The following CAMK1D variants were observed in gnomAD, a reference collection of about 807,000 sequenced individuals.
CAMK1D encodes calcium/calmodulin-dependent protein kinase type 1D.
In CAMK1D, 9 loss-of-function variants were observed where a neutral mutation model predicts 47.7. The observed-to-expected ratio is 0.19, with a 90% confidence interval of 0.11 to 0.33. CAMK1D has a LOEUF of 0.33. Ranked by LOEUF, CAMK1D falls within the 10% of genes least tolerant of loss-of-function variation. The pLI, the probability that CAMK1D is intolerant of heterozygous loss-of-function variation, is 1.00. For missense variants in CAMK1D, 291 were observed against 488.7 expected (o/e 0.60, Z 3.81); for synonymous variants, 184 against 184.9 (o/e 0.99, Z 0.04).
chr10:12,545,588 T>G (rs1836340405), intron 1 of CAMK1D, among the ~76,000 whole-genome samples: 1 of 150,554 alleles, frequency 6.6e-6, no homozygotes, highest in African/African-American at 2.5e-5. Flanking sequence ...GATCACGAGG[T>G]CAGGAGATCG....
At chr10:12,490,687 A>G (rs1053762803) in intron 1 of CAMK1D, among the ~76,000 whole-genome samples, 1 of 152,228 alleles carries the variant, frequency 6.6e-6, no homozygotes, top group Non-Finnish European at 1.5e-5. Context: ...TCTACTAAAA[A>G]TACAAAAATT....
At chr10:12,654,334 C>T (rs1237144802) in intron 2 of CAMK1D, among the ~76,000 whole-genome samples, 1 of 152,196 alleles carries the variant, frequency 6.6e-6, no homozygotes, top group Non-Finnish European at 1.5e-5. Flanking sequence ...TGGGTTCTCA[C>T]ATCAGTGAAG....
intron 2 of CAMK1D, among the ~76,000 whole-genome samples, chr10:12,606,180 G>A (rs1024137403): frequency 6.7e-6 from 1 of 150,320 alleles, no homozygotes; most frequent in African/African-American, 2.5e-5. Context: ...TGTGAGCCGC[G>A]GCTGCTCAGG....
chr10:12,365,477 C>T (rs577953251), intron 1 of CAMK1D, among the ~76,000 whole-genome samples: 107 of 152,162 alleles, frequency 7.0e-4, no homozygotes, highest in South Asian at 1.5e-3. Context: ...CTCGCTCTGT[C>T]GCCCAGGCTG....
chr10:12,592,006 T>G (rs551800007), intron 2 of CAMK1D, among the ~76,000 whole-genome samples: 45 of 151,896 alleles, frequency 3.0e-4, no homozygotes, highest in Non-Finnish European at 5.4e-4. Flanking sequence ...TTGTTTTCTG[T>G]TTTTTTCCTT....
chr10:12,748,603 G>A (rs1835788802), intron 3 of CAMK1D, among the ~76,000 whole-genome samples: 1 of 152,188 alleles, frequency 6.6e-6, no homozygotes, highest in Non-Finnish European at 1.5e-5. Context: ...TAACTCATCT[G>A]TTGAGAAGGA....
chr10:12,675,992 GC>G (rs1413834140), intron 3 of CAMK1D, among the ~76,000 whole-genome samples: 1 of 151,936 alleles, frequency 6.6e-6, no homozygotes, highest in Non-Finnish European at 1.5e-5. Context: ...TGCTCTTGTT[GC>G]CCAGGCTGGA....
chr10:12,825,855 G>A, intron 10 of CAMK1D, 165 bp downstream of exon 10: 1 of 1,178,782 alleles, frequency 8.5e-7, no homozygotes, highest in Non-Finnish European at 1.2e-6. Context: ...GTAATCACTG[G>A]GCTGGGTGCA....
intron 1 of CAMK1D, among the ~76,000 whole-genome samples, chr10:12,462,183 T>C (rs1029569803): frequency 8.8e-5 from 5 of 56,758 alleles, no homozygotes; most frequent in Non-Finnish European, 1.8e-4. Context: ...TTTTTTTTTT[T>C]AGGCAGAGTC....
intron 4 of CAMK1D, among the ~76,000 whole-genome samples, chr10:12,762,855 CTT>C (rs1273120709): frequency 3.9e-5 from 6 of 152,360 alleles, no homozygotes; most frequent in African/African-American, 1.4e-4. Flanking sequence ...TCTCTGCTCT[CTT>C]GTGCCCCCAC....
At chr10:12,623,123 T>TGCTTCTTCCCTCCCTTCCTCCCTC (rs1554798847) in intron 2 of CAMK1D, among the ~76,000 whole-genome samples, 1 of 17,648 alleles carries the variant, frequency 5.7e-5, no homozygotes, top group African/African-American at 2.3e-4. Context: ...CTTCCTTCTT[T>TGCTTCTTCCCTCCCTTCCTCCCTC]CCTTCCTCCC....
At chr10:12,782,981 G>GTTTTTGTT (rs1564557932) in intron 5 of CAMK1D, among the ~76,000 whole-genome samples, 2 of 134,852 alleles carry the variant, frequency 1.5e-5, no homozygotes, top group African/African-American at 5.6e-5. Flanking sequence ...AGTATTTTCA[G>GTTTTTGTT]TTTTTTTTTT....
intron 1 of CAMK1D, among the ~76,000 whole-genome samples, chr10:12,383,424 C>A (rs928153335): frequency 2.6e-5 from 4 of 152,162 alleles, no homozygotes; most frequent in Non-Finnish European, 5.9e-5. Context: ...AATTGAGTGA[C>A]TTGCAACTCG....
intron 1 of CAMK1D, among the ~76,000 whole-genome samples, chr10:12,546,169 T>C (rs1209658335): frequency 6.6e-6 from 1 of 152,132 alleles, no homozygotes; most frequent in Non-Finnish European, 1.5e-5. Flanking sequence ...AGAAGAGTAA[T>C]TTCAGTAACA....
chr10:12,525,791 T>A (rs1835601819), intron 1 of CAMK1D, among the ~76,000 whole-genome samples: 1 of 152,192 alleles, frequency 6.6e-6, no homozygotes, highest in Non-Finnish European at 1.5e-5. Context: ...AAGGTCTTGC[T>A]CTGTTGCCCA....
In CAMK1D at chr10:12,388,965, A is replaced by G. The variant is rs182744072; in HGVS notation, c.92+39055A>G. On this transcript the variant is annotated intron_variant, in intron 1 of 10. Transcript: ENST00000619168. ...TGGCTTGCGATTTCACTTGGGAAGCACATTGTCGTGTCGTCTGTGTGATTT... is the reference window on the plus strand; with the variant it reads ...TGGCTTGCGATTTCACTTGGGAAGCGCATTGTCGTGTCGTCTGTGTGATTT... 3.3e-4 allele frequency among the ~76,000 whole-genome samples: 51 copies of G among 152,314 alleles called. No homozygotes were observed. The East Asian group carries it at 8.9e-3, about 27-fold the overall frequency.
At chr10:12,431,129 TA>T (rs1283368759) in intron 1 of CAMK1D, among the ~76,000 whole-genome samples, 1 of 152,258 alleles carries the variant, frequency 6.6e-6, no homozygotes, top group African/African-American at 2.4e-5. Context: ...TCTTATTTTT[TA>T]AAAAATTATG....
At chr10:12,800,821 T>G (rs1300462454) in intron 6 of CAMK1D, among the ~76,000 whole-genome samples, 1 of 152,198 alleles carries the variant, frequency 6.6e-6, no homozygotes, top group Non-Finnish European at 1.5e-5. Flanking sequence ...TTGAGTGCAT[T>G]CTGTCATCAT....
intron 1 of CAMK1D, among the ~76,000 whole-genome samples, chr10:12,456,201 T>G (rs1833238484): frequency 6.6e-6 from 1 of 152,210 alleles, no homozygotes; most frequent in African/African-American, 2.4e-5. Flanking sequence ...GAATAAAGTT[T>G]TAAAATATTC....
Sources: gnomAD v4.1 joint callset for allele counts (sites outside exome capture counted in the v4.1 genomes callset) on GRCh38, gnomAD v4.1.1 for gene constraint, MANE v1.5 for transcripts, NCBI Gene and HGNC (gene_info 2026-07-23, HGNC 2026-07-21) for gene names.